The following USO1 variants were observed in gnomAD, a reference collection of about 807,000 sequenced individuals.
USO1 encodes the protein USO1 vesicle transport factor.
Under a neutral mutation model 124.5 loss-of-function variants are expected in USO1, and 57 were observed. The ratio of observed to expected loss-of-function variants is 0.46; its 90% confidence interval spans 0.37 to 0.57. USO1 has a LOEUF of 0.57. Among genes scored for constraint, USO1 ranks in the 20% least tolerant of loss-of-function variants. The pLI, the probability that USO1 is intolerant of heterozygous loss-of-function variation, is 0.00. For missense variants in USO1, 900 were observed against 1,040.6 expected, an observed-to-expected ratio of 0.86 and a Z score of 1.86; for synonymous variants, 369 against 362.8, an observed-to-expected ratio of 1.02 and a Z score of -0.19.
At chr4:75,774,292 G>A (rs1722012380) in intron 7 of USO1, among the ~76,000 whole-genome samples, 1 of 152,152 alleles carries the variant, frequency 6.6e-6, no homozygotes, top group African/African-American at 2.4e-5. Flanking sequence ...TGAATTGCAA[G>A]TTTTTCATTA....
At chr4:75,763,594 A>AT (rs1316255932) in intron 4 of USO1, among the ~76,000 whole-genome samples, 4 of 152,080 alleles carry the variant, frequency 2.6e-5, no homozygotes, top group African/African-American at 9.7e-5. Context: ...TAGAACGGGC[A>AT]TTTTTTTATT....
intron 1 of USO1, among the ~76,000 whole-genome samples, chr4:75,734,898 T>C (rs1720745361): frequency 6.6e-6 from 1 of 151,694 alleles, no homozygotes; most frequent in African/African-American, 2.4e-5. Flanking sequence ...CCAGCCAATT[T>C]TTGTATTTTT....
At chr4:75,810,333 GTAAAA>G in intron 21 of USO1, 94 bp from the exon 22 acceptor site, 3 of 1,320,142 alleles carry the variant, frequency 2.3e-6, no homozygotes, top group Non-Finnish European at 3.0e-6. Flanking sequence ...GTTAGTGAAA[GTAAAA>G]TATCAAAATG....
chr4:75,777,609 A>T (rs1722107035), intron 8 of USO1, among the ~76,000 whole-genome samples: 1 of 152,210 alleles, frequency 6.6e-6, no homozygotes. Context: ...ATTATATATC[A>T]CTAGGGAACT....
At chr4:75,726,281 CA>C (rs1182405273) in intron 1 of USO1, among the ~76,000 whole-genome samples, 1,076 of 75,472 alleles carry the variant, frequency 0.014, 11 homozygotes, top group African/African-American at 0.038. Flanking sequence ...AACTCTGTCT[CA>C]AAAAAAAAAA....
chr4:75,770,572 TA>T (rs1721899872), intron 5 of USO1, 33 bp downstream of exon 5: 1 of 1,534,526 alleles, frequency 6.5e-7, no homozygotes, highest in Non-Finnish European at 8.8e-7. Context: ...TTTGTCATCT[TA>T]ATAAGCTGCT....
At chr4:75,796,528 G>T (rs1191612868) in intron 13 of USO1, among the ~76,000 whole-genome samples, 1 of 151,656 alleles carries the variant, frequency 6.6e-6, no homozygotes, top group Non-Finnish European at 1.5e-5. Flanking sequence ...TAGAGACAGG[G>T]TTTCATCATG....
chr4:75,775,494 G>A (rs374995830), intron 8 of USO1, among the ~76,000 whole-genome samples: 10 of 152,058 alleles, frequency 6.6e-5, no homozygotes, highest in Admixed American at 3.9e-4. Flanking sequence ...AGCTGAGATC[G>A]CACCGCTGTA....
At chr4:75,741,248 T>C (rs908772611) in intron 1 of USO1, among the ~76,000 whole-genome samples, 2 of 152,164 alleles carry the variant, frequency 1.3e-5, no homozygotes, top group Non-Finnish European at 2.9e-5. Context: ...TAAAAGATAG[T>C]AAATAGTATG....
intron 1 of USO1, among the ~76,000 whole-genome samples, chr4:75,730,316 G>A (rs1452717033): frequency 6.6e-6 from 1 of 152,156 alleles, no homozygotes; most frequent in African/African-American, 2.4e-5. Flanking sequence ...GCAAAGAAGT[G>A]TGTGCAACGA....
chr4:75,780,555 G>A (rs2149174191), intron 8 of USO1, among the ~76,000 whole-genome samples: 1 of 149,884 alleles, frequency 6.7e-6, no homozygotes, highest in Admixed American at 6.6e-5. Flanking sequence ...ACAGACGTGA[G>A]CCACTGTGCC....
intron 1 of USO1, among the ~76,000 whole-genome samples, chr4:75,739,130 G>A (rs1320855074): frequency 6.6e-6 from 1 of 152,168 alleles, no homozygotes; most frequent in African/African-American, 2.4e-5. Flanking sequence ...GAGATTACAG[G>A]CGTGAGCCAC....
At chr4:75,790,090 CAT>C (rs1577963839) in intron 10 of USO1, 58 bp from the exon 11 acceptor site, 2 of 1,334,458 alleles carry the variant, frequency 1.5e-6, no homozygotes, top group Non-Finnish European at 2.0e-6. Context: ...CTATTGAAAA[CAT>C]ATTTTCCTTC....
Position 75,810,551 on chromosome 4 carries a change from G to A in USO1, c.2583+12G>A, listed in dbSNP as rs543380076. The A allele has an allele frequency of 1.3e-6, 2 of 1,593,426 alleles. No homozygotes were observed. Among genetic ancestry groups the A allele is most frequent in the South Asian group, 2.3e-5 (2 of 85,866 alleles). On this transcript the variant is annotated intron_variant, in intron 22 of 23. Coordinates refer to ENST00000514213, the MANE Select transcript of USO1 (RefSeq NM_003715.4). ...CCAAAGAGTTAAAGGTTTGTTTTTG[G>A]TGCAACTTTTATTTACTGCATATGA...
At chr4:75,782,632 G>A (rs939505371) in intron 8 of USO1, 48 bp from the exon 9 acceptor site, 31 of 1,502,076 alleles carry the variant, frequency 2.1e-5, no homozygotes, top group South Asian at 5.2e-5. Flanking sequence ...GGAGTTTTGC[G>A]TCAGGTTTTA....
intron 10 of USO1, among the ~76,000 whole-genome samples, chr4:75,787,546 A>G (rs1179434143): frequency 6.6e-6 from 1 of 152,228 alleles, no homozygotes; most frequent in Non-Finnish European, 1.5e-5. Context: ...CGGCAGATTC[A>G]TTGAATAGTA....
At position 75,770,422 on chromosome 4, in the gene USO1, A is replaced by G. The variant is rs1289258807; in HGVS notation, c.296-17A>G. On this transcript the variant is annotated splice_polypyrimidine_tract_variant and intron_variant, in intron 4 of 23. Transcript: ENST00000514213. Reference sequence around the variant, plus strand: ...ACCTACTATTAAATTGAAATTCTTTATTTTTGAATATTACAGAAGAAAATT... The same window carrying G: ...ACCTACTATTAAATTGAAATTCTTTGTTTTTGAATATTACAGAAGAAAATT... The G allele has an allele frequency of 6.6e-7, 1 of 1,510,310 alleles. No homozygotes were observed. Among genetic ancestry groups the G allele is most frequent in the East Asian group, 2.5e-5 (1 of 40,628 alleles). The allele number at this position is 1,510,310 out of a possible 1,614,324, so 93.6% of individuals were successfully genotyped here.
rs945519318 is a variant in USO1 at position 75,813,163 on chromosome 4, A to G, written c.2800-43A>G. ...TATATTGTTAAATGTTGAATGTGAC[A>G]TGAACAGATTTTCACAATATTAAAT... On this transcript the variant is annotated intron_variant, in intron 23 of 23. Coordinates refer to ENST00000514213, the MANE Select transcript of USO1 (RefSeq NM_003715.4). 3.8e-6 allele frequency: 6 copies of G among 1,571,742 alleles called. No individual in the cohort carries two copies. In the African/African-American group the frequency reaches 4.2e-5, roughly 11 times the overall value.
At position 75,774,800 on chromosome 4, in the gene USO1, T is replaced by C. The variant is rs540102412; in HGVS notation, c.676+4T>C. 4.3e-6 allele frequency: 7 copies of C among 1,612,074 alleles called. No individual in the cohort carries two copies. The highest frequency in any genetic ancestry group is 1.7e-5 in the Admixed American group (1 of 59,708). On this transcript the variant is annotated splice_donor_region_variant and intron_variant, in intron 8 of 23. Transcript: ENST00000514213. ...GAGGAGGGGAACAGTGATGGAGGTA[T>C]AGTATGAAGAAATTATTTGAAGACA...
Sources: allele counts gnomAD v4.1 joint callset (sites outside exome capture counted in the v4.1 genomes callset), GRCh38; gene constraint gnomAD v4.1.1; transcripts MANE v1.5; gene names NCBI Gene and HGNC (gene_info 2026-07-23, HGNC 2026-07-21).